The following SHQ1 variants were observed in gnomAD, a reference collection of about 807,000 sequenced individuals.
SHQ1 encodes SHQ1, H/ACA ribonucleoprotein assembly factor.
In SHQ1, 49 loss-of-function variants were observed where a neutral mutation model predicts 53.8. That is an observed-to-expected ratio of 0.91 (90% CI 0.72 to 1.16). The LOEUF (loss-of-function observed/expected upper bound fraction) is 1.16, where lower values mean the gene tolerates loss of function less well. Ranked by LOEUF, SHQ1 falls within the 50% of genes most tolerant of loss-of-function variation. SHQ1 has a pLI of 0.00. For synonymous variants in SHQ1, 243 were observed against 251.0 expected (o/e 0.97, Z 0.30); for missense variants, 738 against 683.1 (o/e 1.08, Z -0.90).
intron 4 of SHQ1, among the ~76,000 whole-genome samples, chr3:72,835,558 C>G (rs550854957): frequency 6.6e-6 from 1 of 152,284 alleles, no homozygotes. Flanking sequence ...GTAGACAACT[C>G]TACATTTCAG....
At chr3:72,776,897 C>T (rs548561708) in intron 10 of SHQ1, among the ~76,000 whole-genome samples, 2 of 151,258 alleles carry the variant, frequency 1.3e-5, no homozygotes, top group South Asian at 4.2e-4. Context: ...AACCTAGAAA[C>T]AGATCCACAC....
At chr3:72,844,700 G>A (rs1046607272) in intron 1 of SHQ1, among the ~76,000 whole-genome samples, 1 of 152,138 alleles carries the variant, frequency 6.6e-6, no homozygotes, top group African/African-American at 2.4e-5. Flanking sequence ...TATCACTATT[G>A]TTATAACACA....
At chr3:72,798,093 T>TA (rs1706682429) in intron 9 of SHQ1, among the ~76,000 whole-genome samples, 1 of 152,006 alleles carries the variant, frequency 6.6e-6, no homozygotes, top group Non-Finnish European at 1.5e-5. Context: ...GATATGGGCA[T>TA]AAAAAAATGC....
chr3:72,770,984 C>T (rs1002820083), intron 10 of SHQ1, among the ~76,000 whole-genome samples: 1 of 152,150 alleles, frequency 6.6e-6, no homozygotes, highest in African/African-American at 2.4e-5. Context: ...CCTGTAGTCT[C>T]TTTATGGGCA....
At chr3:72,736,046 A>G in the SHQ1 span, among the ~76,000 whole-genome samples, 1 of 152,076 alleles carries the variant, frequency 6.6e-6, no homozygotes, top group East Asian at 1.9e-4. Context: ...AAAAAGTATC[A>G]TTTCTAGTAG....
At chr3:72,842,731 T>C (rs996249490) in intron 2 of SHQ1, among the ~76,000 whole-genome samples, 1 of 152,218 alleles carries the variant, frequency 6.6e-6, no homozygotes, top group East Asian at 1.9e-4. Context: ...CAAGTCAAGA[T>C]AGAAAAAGGT....
chr3:72,820,637 C>T lies in SHQ1; in HGVS notation c.728-3253G>A, dbSNP rs911188040. ...ACTGGAAATAACTACAGATGCAGTGCCAACAATGCTTGGATGATTGCCACC... is the reference window on the plus strand; with the variant it reads ...ACTGGAAATAACTACAGATGCAGTGTCAACAATGCTTGGATGATTGCCACC... On this transcript the variant is annotated intron_variant, in intron 6 of 10. Coordinates refer to ENST00000325599, the MANE Select transcript of SHQ1 (RefSeq NM_018130.3). Among the ~76,000 whole-genome samples, 6 of 152,250 alleles carry T rather than the reference C, an allele frequency of 3.9e-5. No individual in the cohort carries two copies. The South Asian group carries it at 8.3e-4, about 21-fold the overall frequency.
At chr3:72,732,375 TGCCTGCCTG>T in the SHQ1 span, among the ~76,000 whole-genome samples, 4 of 133,634 alleles carry the variant, frequency 3.0e-5, no homozygotes, top group Admixed American at 7.8e-5. Context: ...CCTGCCTGCC[TGCCTGCCTG>T]CCTGCCTTCC....
intron 10 of SHQ1, among the ~76,000 whole-genome samples, chr3:72,784,130 T>A: frequency 7.5e-6 from 1 of 133,984 alleles, no homozygotes; most frequent in Admixed American, 7.3e-5. Context: ...AAATAAAAAG[T>A]CTACCTAAAA....
At chr3:72,821,664 G>A (rs1707484905) in intron 6 of SHQ1, among the ~76,000 whole-genome samples, 1 of 152,198 alleles carries the variant, frequency 6.6e-6, no homozygotes, top group African/African-American at 2.4e-5. Context: ...CTGATGAGGA[G>A]GTGTTAAACA....
rs529764235 is a variant in SHQ1, at chr3:72,842,387, C to T, written c.224G>A (p.Arg75His). 41 of 1,612,796 alleles carry T rather than the reference C, an allele frequency of 2.5e-5. No individual in the cohort carries two copies. Among genetic ancestry groups the T allele is most frequent in the South Asian group, 8.8e-5 (8 of 91,038 alleles). The change falls in exon 3 of 11, where the codon CGC becomes CAC. Residue 75 changes from arginine to histidine, a missense_variant. Coordinates refer to ENST00000325599, the MANE Select transcript of SHQ1 (RefSeq NM_018130.3). The part of the protein sequence containing the change: ...YDADKGIFTI[R>H]LPKETPGQHF... Reference sequence around the variant, plus strand: ...CTGGCCAGGGGTTTCTTTGGGCAGGCGAATGGTAAAAATTCCTTAAAGATA... The same window carrying T: ...CTGGCCAGGGGTTTCTTTGGGCAGGTGAATGGTAAAAATTCCTTAAAGATA...
the SHQ1 span, among the ~76,000 whole-genome samples, chr3:72,729,009 C>A: frequency 5.3e-5 from 8 of 152,222 alleles, no homozygotes; most frequent in African/African-American, 1.7e-4. Flanking sequence ...CGGTGACAAA[C>A]CTCACGTCCC....
chr3:72,782,610 G>A (rs2106761270), intron 10 of SHQ1, among the ~76,000 whole-genome samples: 1 of 152,204 alleles, frequency 6.6e-6, no homozygotes, highest in South Asian at 2.1e-4. Context: ...ATTTATTTAG[G>A]GGACTTCACA....
intron 9 of SHQ1, among the ~76,000 whole-genome samples, chr3:72,810,184 G>C (rs538414952): frequency 1.3e-5 from 2 of 152,272 alleles, no homozygotes; most frequent in African/African-American, 4.8e-5. Flanking sequence ...GATCCAAGGA[G>C]AGCAAGGTCC....
intron 4 of SHQ1, 52 bp downstream of exon 4, chr3:72,840,993 T>C (rs1419088758): frequency 5.2e-6 from 8 of 1,548,682 alleles, no homozygotes; most frequent in Middle Eastern, 1.7e-4. Context: ...GAAATTAAAA[T>C]ATCCAAATGG....
At chr3:72,765,433 T>C (rs1281917862) in intron 10 of SHQ1, among the ~76,000 whole-genome samples, 2 of 150,654 alleles carry the variant, frequency 1.3e-5, no homozygotes, top group African/African-American at 4.9e-5. Context: ...GATTCATTTT[T>C]TTTTTTTTTT....
chr3:72,770,192 T>C (rs939465615), intron 10 of SHQ1, among the ~76,000 whole-genome samples: 1 of 152,248 alleles, frequency 6.6e-6, no homozygotes, highest in Non-Finnish European at 1.5e-5. Context: ...TAACATGTTC[T>C]AAACAAATTG....
chr3:72,745,926 T>C (rs1322927610), downstream of SHQ1, among the ~76,000 whole-genome samples: 1 of 151,134 alleles, frequency 6.6e-6, no homozygotes, highest in Non-Finnish European at 1.5e-5. Context: ...CACTGCAATC[T>C]CCGCCTCCCA....
intron 10 of SHQ1, among the ~76,000 whole-genome samples, chr3:72,751,529 TAC>T (rs1467497305): frequency 2.2e-4 from 30 of 138,014 alleles, no homozygotes; most frequent in African/African-American, 6.5e-4. Context: ...TATATATATA[TAC>T]ATATACATAC....
Sources: allele counts gnomAD v4.1 joint callset (sites outside exome capture counted in the v4.1 genomes callset), GRCh38; gene constraint gnomAD v4.1.1; transcripts MANE v1.5; gene names NCBI Gene and HGNC (gene_info 2026-07-23, HGNC 2026-07-21).